Variants in FAM168A observed in about 807,000 individuals in gnomAD.
The protein encoded by FAM168A is protein FAM168A.
FAM168A carries 3 observed loss-of-function variants against 28.5 expected under a neutral mutation model. That is an observed-to-expected ratio of 0.11 (90% CI 0.05 to 0.27). FAM168A has a LOEUF of 0.27. FAM168A is among the 10% of genes least tolerant of loss of function. The pLI, the probability that FAM168A is intolerant of heterozygous loss-of-function variation, is 1.00. For synonymous variants in FAM168A, 122 were observed against 124.2 expected (o/e 0.98, Z 0.12); for missense variants, 222 against 311.5 (o/e 0.71, Z 2.16).
At chr11:73,518,823 G>C (rs1193386017) in intron 1 of FAM168A, among the ~76,000 whole-genome samples, 1 of 152,118 alleles carries the variant, frequency 6.6e-6, no homozygotes, top group Non-Finnish European at 1.5e-5. Context: ...CTTGAACCCG[G>C]GAGGCAGAGG....
At chr11:73,451,904 G>A (rs1018363869) in intron 2 of FAM168A, 1 of 152,348 alleles carries the variant, frequency 6.6e-6, no homozygotes, top group African/African-American at 2.4e-5. Flanking sequence ...CCGAACTTAG[G>A]CTTGATTCTG....
chr11:73,540,204 G>T (rs1943636891), intron 1 of FAM168A, among the ~76,000 whole-genome samples: 1 of 151,948 alleles, frequency 6.6e-6, no homozygotes. Context: ...AAAAAACAAA[G>T]AAAAACAAAT....
chr11:73,502,078 G>T (rs1590819159), intron 1 of FAM168A, among the ~76,000 whole-genome samples: 1 of 149,210 alleles, frequency 6.7e-6, no homozygotes, highest in African/African-American at 2.5e-5. Context: ...TCCAGCTTGG[G>T]CGACAGATCA....
At chr11:73,546,732 CAA>C (rs145898219) in intron 1 of FAM168A, among the ~76,000 whole-genome samples, 1,061 of 77,314 alleles carry the variant, frequency 0.014, 13 homozygotes, top group African/African-American at 0.04. Context: ...AACTCCATCT[CAA>C]AAAAAAAAAA....
chr11:73,411,454 G>C lies in FAM168A; in HGVS notation c.360C>G (p.Pro120=). 6.2e-7 allele frequency: 1 copy of C among 1,613,534 alleles called. No homozygotes were observed. Among genetic ancestry groups the C allele is most frequent in the Non-Finnish European group, 8.5e-7 (1 of 1,179,700 alleles). Residue 120 remains proline, a synonymous_variant, in exon 5 of 8, where the codon CCC becomes CCG. Transcript: ENST00000356467. ...TGATTGGATACATGGCCGTCTGATA[G>C]GGGTTGGGTGATGGGGAGTAGGGGG... ...APPPYSPSPN[P]YQTAMYPIRS...
At chr11:73,451,804 T>C (rs1867435665) in intron 2 of FAM168A, among the ~76,000 whole-genome samples, 1 of 152,244 alleles carries the variant, frequency 6.6e-6, no homozygotes, top group African/African-American at 2.4e-5. Flanking sequence ...AACTGCCTAA[T>C]TGTTGCATTT....
intron 1 of FAM168A, among the ~76,000 whole-genome samples, chr11:73,528,732 G>A (rs1461146816): frequency 1.3e-5 from 2 of 152,134 alleles, no homozygotes; most frequent in African/African-American, 4.8e-5. Flanking sequence ...TGCAAGTAAT[G>A]AGACCAGGGT....
rs1943559230 is a variant in FAM168A, at chr11:73,534,969, T to A, written c.-19+62954A>T. 2.0e-5 allele frequency among the ~76,000 whole-genome samples: 3 copies of A among 152,062 alleles called. No homozygotes were observed. The South Asian group carries it at 6.2e-4, about 32-fold the overall frequency. On this transcript the variant is annotated intron_variant, in intron 1 of 7. Coordinates refer to ENST00000356467, the MANE Select transcript of FAM168A (RefSeq NM_015159.3). Reference sequence around the variant, plus strand: ...CCCCCTACAGCCTTGTTCTCCCACTTAGCTTCCAGACCACAGGCAGCCAGG... The same window carrying A: ...CCCCCTACAGCCTTGTTCTCCCACTAAGCTTCCAGACCACAGGCAGCCAGG...
chr11:73,471,122 T>C (rs1262547011), intron 1 of FAM168A, among the ~76,000 whole-genome samples: 5 of 152,190 alleles, frequency 3.3e-5, no homozygotes, highest in African/African-American at 9.6e-5. Flanking sequence ...CAAGGGTAGA[T>C]GGGATTCCCA....
chr11:73,588,077 A>T (rs1375513338), intron 1 of FAM168A, among the ~76,000 whole-genome samples: 3 of 152,166 alleles, frequency 2.0e-5, no homozygotes, highest in Non-Finnish European at 4.4e-5. Flanking sequence ...GCTGCATATT[A>T]AGGTACAAGA....
chr11:73,438,486 T>C (rs1867133222), intron 2 of FAM168A, among the ~76,000 whole-genome samples: 1 of 152,080 alleles, frequency 6.6e-6, no homozygotes, highest in African/African-American at 2.4e-5. Context: ...ATTAGGGAAA[T>C]GGCAAACAGT....
chr11:73,422,211 G>T (rs1697650911), intron 3 of FAM168A, among the ~76,000 whole-genome samples: 1 of 152,068 alleles, frequency 6.6e-6, no homozygotes, highest in African/African-American at 2.4e-5. Context: ...TAATGTTCCA[G>T]GTTAACCAGG....
At chr11:73,443,091 T>C (rs1867234102) in intron 2 of FAM168A, among the ~76,000 whole-genome samples, 2 of 149,986 alleles carry the variant, frequency 1.3e-5, no homozygotes, top group African/African-American at 2.5e-5. Context: ...TTGCTAAAGT[T>C]CACTTTTATA....
In FAM168A at chr11:73,583,786, C is replaced by T. The variant is rs987676514; in HGVS notation, c.-19+14137G>A. On this transcript the variant is annotated intron_variant, in intron 1 of 7. Coordinates refer to ENST00000356467, the MANE Select transcript of FAM168A (RefSeq NM_015159.3). ...AACTTCAGGAGTACTGGAGGTAAAA[C>T]GCACAAGCCAGGAGGAGAGACAATA... Among the ~76,000 whole-genome samples the T allele has an allele frequency of 3.3e-5, 5 of 152,158 alleles. 1 individual carries two copies. Among genetic ancestry groups the T allele is most frequent in the Non-Finnish European group, 5.9e-5 (4 of 68,022 alleles).
intron 3 of FAM168A, 79 bp downstream of exon 3, chr11:73,430,611 C>T (rs1866970743): frequency 7.5e-7 from 1 of 1,325,788 alleles, no homozygotes; most frequent in Non-Finnish European, 1.1e-6. Flanking sequence ...CAGGAAAAGG[C>T]CAGCAAGTGG....
chr11:73,475,863 C>T (rs1590803778), intron 1 of FAM168A, among the ~76,000 whole-genome samples: 1 of 152,206 alleles, frequency 6.6e-6, no homozygotes, highest in East Asian at 1.9e-4. Flanking sequence ...ATAGAAAATC[C>T]AATGCCCAGA....
chr11:73,596,705 T>C (rs1044869516), intron 1 of FAM168A, among the ~76,000 whole-genome samples: 1 of 151,916 alleles, frequency 6.6e-6, no homozygotes, highest in African/African-American at 2.4e-5. Context: ...ACCCCAATCC[T>C]TCACCACCAA....
In FAM168A at chr11:73,459,356, T is replaced by G. The variant is rs569284066; in HGVS notation, c.70+9049A>C. 2.3e-3 allele frequency among the ~76,000 whole-genome samples: 345 copies of G among 151,826 alleles called. 3 individuals are homozygous for G. The highest frequency in any genetic ancestry group is 1.9e-3 in the Non-Finnish European group (128 of 67,938). On this transcript the variant is annotated intron_variant, in intron 2 of 7. Coordinates refer to ENST00000356467, the MANE Select transcript of FAM168A (RefSeq NM_015159.3). The stretch of plus-strand genomic sequence containing the variant: ...AAAAAATTAGCCGGGCGTGGTGGCA[T>G]GCGCCTATAGTCTCAGCTACTCGGG...
rs376655460 is a variant in FAM168A at position 73,407,659 on chromosome 11, G to A, written c.596-16C>T. ...AGCAGGGTACCTGAGCATCCAGAGA[G>A]AGAAGAGTAACCTGACGAGGCTGCA... is the stretch of plus-strand genomic sequence containing the variant. On this transcript the variant is annotated splice_polypyrimidine_tract_variant and intron_variant, in intron 6 of 7. Coordinates refer to ENST00000356467, the MANE Select transcript of FAM168A (RefSeq NM_015159.3). The A allele has an allele frequency of 6.2e-6, 10 of 1,602,730 alleles. No homozygotes were observed. In the African/African-American group the frequency reaches 8.1e-5, roughly 13 times the overall value.
Sources: gnomAD v4.1 joint callset for allele counts (sites outside exome capture counted in the v4.1 genomes callset) on GRCh38, gnomAD v4.1.1 for gene constraint, MANE v1.5 for transcripts, NCBI Gene and HGNC (gene_info 2026-07-23, HGNC 2026-07-21) for gene names.